The following FAM174A variants were observed in gnomAD, a reference collection of about 807,000 sequenced individuals.
FAM174A encodes the protein membrane protein FAM174A.
In FAM174A, 14 loss-of-function variants were observed where a neutral mutation model predicts 14.3. The observed-to-expected ratio is 0.98, with a 90% CI of 0.65 to 1.53. The LOEUF (loss-of-function observed/expected upper bound fraction) is 1.53, where lower values mean the gene tolerates loss of function less well. Among genes scored for constraint, FAM174A ranks in the 40% most tolerant of loss-of-function variants. The pLI is 0.00. For missense variants in FAM174A, 241 were observed against 249.6 expected, an observed-to-expected ratio of 0.97 and a Z score of 0.23; for synonymous variants, 108 against 111.4, an observed-to-expected ratio of 0.97 and a Z score of 0.19.
chr5:100,548,286 G>A (rs1254633326), intron 1 of FAM174A, among the ~76,000 whole-genome samples: 2 of 152,038 alleles, frequency 1.3e-5, no homozygotes, highest in African/African-American at 4.8e-5. Context: ...GAAGAAAGTT[G>A]CCTCTAAACA....
chr5:100,575,284 G>A (rs1746878335), intron 2 of FAM174A, among the ~76,000 whole-genome samples: 2 of 151,666 alleles, frequency 1.3e-5, no homozygotes, highest in East Asian at 1.9e-4. Flanking sequence ...TGAGTTCTAG[G>A]GTACATGTGC....
intron 1 of FAM174A, among the ~76,000 whole-genome samples, chr5:100,561,270 A>T (rs1746516589): frequency 6.6e-6 from 1 of 151,988 alleles, no homozygotes; most frequent in East Asian, 1.9e-4. Context: ...TGGTTCTCAA[A>T]CTTGAATATG....
intron 2 of FAM174A, among the ~76,000 whole-genome samples, chr5:100,564,360 C>T (rs1331747535): frequency 2.0e-5 from 3 of 151,100 alleles, no homozygotes; most frequent in Non-Finnish European, 4.4e-5. Context: ...CATAACAAAA[C>T]TTATGGGATG....
chr5:100,584,391 G>T (rs1747082331), intron 2 of FAM174A, among the ~76,000 whole-genome samples: 1 of 152,008 alleles, frequency 6.6e-6, no homozygotes, highest in Non-Finnish European at 1.5e-5. Context: ...AACTGTTTAG[G>T]CAGATGTCTT....
At chr5:100,569,837 GAT>G (rs142060577) in intron 2 of FAM174A, among the ~76,000 whole-genome samples, 7 of 149,220 alleles carry the variant, frequency 4.7e-5, no homozygotes, top group Middle Eastern at 3.4e-3. Context: ...TATATATGGA[GAT>G]ATATATATAT....
chr5:100,585,237 C>T (rs536545044), intron 2 of FAM174A, among the ~76,000 whole-genome samples: 25 of 152,258 alleles, frequency 1.6e-4, no homozygotes, highest in Non-Finnish European at 3.2e-4. Context: ...TTTATATTTA[C>T]TTACATATCT....
At chr5:100,578,518 C>A (rs990828860) in intron 2 of FAM174A, among the ~76,000 whole-genome samples, 2 of 152,132 alleles carry the variant, frequency 1.3e-5, no homozygotes, top group Admixed American at 6.5e-5. Context: ...GAACATCCAG[C>A]AAATAATTGA....
intron 1 of FAM174A, among the ~76,000 whole-genome samples, chr5:100,559,148 C>T (rs1303487135): frequency 6.6e-6 from 1 of 152,134 alleles, no homozygotes; most frequent in African/African-American, 2.4e-5. Context: ...GACAAAATCT[C>T]TCAGCATTTG....
chr5:100,560,271 G>C (rs560445964), intron 1 of FAM174A, among the ~76,000 whole-genome samples: 1 of 152,144 alleles, frequency 6.6e-6, no homozygotes, highest in African/African-American at 2.4e-5. Context: ...TGGTCTACAT[G>C]GTGTGTGTGG....
intron 1 of FAM174A, among the ~76,000 whole-genome samples, chr5:100,537,636 A>G (rs1353078004): frequency 6.6e-6 from 1 of 152,210 alleles, no homozygotes; most frequent in East Asian, 1.9e-4. Flanking sequence ...CACAAAGGCT[A>G]GCAAATCTGC....
intron 1 of FAM174A, among the ~76,000 whole-genome samples, chr5:100,550,659 T>G (rs1286001001): frequency 6.6e-6 from 1 of 152,164 alleles, no homozygotes; most frequent in Non-Finnish European, 1.5e-5. Context: ...GAACTTTTCA[T>G]AAGCACTTTA....
intron 2 of FAM174A, among the ~76,000 whole-genome samples, chr5:100,578,108 T>A (rs1746937693): frequency 6.6e-6 from 1 of 152,126 alleles, no homozygotes; most frequent in East Asian, 1.9e-4. Flanking sequence ...CAGAGTAGCA[T>A]TTTTATTTTT....
At chr5:100,581,370 G>C in intron 2 of FAM174A, 1 of 985,294 alleles carries the variant, frequency 1.0e-6, no homozygotes, top group Non-Finnish European at 1.2e-6. Flanking sequence ...TCCTGAGAAA[G>C]AGCAACTGAG....
chr5:100,536,577 G>A (rs183164775), intron 1 of FAM174A, among the ~76,000 whole-genome samples: 2 of 152,196 alleles, frequency 1.3e-5, no homozygotes, highest in Admixed American at 1.3e-4. Flanking sequence ...CACCTAAGTG[G>A]CAGAGAATCA....
chr5:100,584,362 C>G (rs1747081581), intron 2 of FAM174A, among the ~76,000 whole-genome samples: 1 of 152,100 alleles, frequency 6.6e-6, no homozygotes, highest in South Asian at 2.1e-4. Context: ...CAGAACAGGG[C>G]ACTTTAATCT....
chr5:100,576,491 C>T (rs1746909332), intron 2 of FAM174A, among the ~76,000 whole-genome samples: 1 of 152,062 alleles, frequency 6.6e-6, no homozygotes, highest in Admixed American at 6.6e-5. Context: ...GAAAGGTTTC[C>T]CTAAAGTCCT....
chr5:100,567,494 G>A (rs189819474), intron 2 of FAM174A, among the ~76,000 whole-genome samples: 4 of 151,678 alleles, frequency 2.6e-5, no homozygotes, highest in East Asian at 3.9e-4. Context: ...TTTTTTCTTC[G>A]AGGAGCATAT....
In FAM174A at chr5:100,535,651, C is replaced by G; in HGVS notation, c.121C>G (p.Pro41Ala). 2 of 1,612,712 alleles carry G rather than the reference C, an allele frequency of 1.2e-6. No homozygotes were observed. Among genetic ancestry groups the G allele is most frequent in the Non-Finnish European group, 1.7e-6 (2 of 1,179,916 alleles). Residue 41 changes from proline (P) to alanine (A), a missense_variant, in exon 1 of 3, where the codon CCA becomes GCA. Pro to Ala is a conservative substitution (Grantham distance 27). Coordinates refer to ENST00000312637, the MANE Select transcript of FAM174A (RefSeq NM_198507.3). The stretch of plus-strand genomic sequence containing the variant: ...CCTGCTGCAGGCAGCCGAGGCCGCG[C>G]CAGGTCTTGGGCCTCCTGACCCTAG... ...AVLLQAAEAA[P>A]GLGPPDPRPR...
At chr5:100,539,372 C>T (rs978525842) in intron 1 of FAM174A, among the ~76,000 whole-genome samples, 94 of 152,122 alleles carry the variant, frequency 6.2e-4, no homozygotes, top group African/African-American at 2.2e-3. Context: ...AATGCAGATC[C>T]TATTAATACA....
Sources: allele counts gnomAD v4.1 joint callset (sites outside exome capture counted in the v4.1 genomes callset), GRCh38; gene constraint gnomAD v4.1.1; transcripts MANE v1.5; gene names NCBI Gene and HGNC (gene_info 2026-07-23, HGNC 2026-07-21).